FBXO31: variants seen among roughly 807,000 people sequenced by gnomAD.
FBXO31 encodes the protein F-box protein 31, also known as F-box only protein 31.
A neutral mutation model predicts 54.4 loss-of-function variants in FBXO31; 24 were observed. That is an observed-to-expected ratio of 0.44 (90% CI 0.32 to 0.62). The LOEUF is 0.62. Among genes scored for constraint, FBXO31 ranks in the 20% least tolerant of loss-of-function variants. The pLI is 0.05. For synonymous variants in FBXO31, 388 were observed against 335.6 expected (o/e 1.16, Z -1.71); for missense variants, 665 against 787.1 (o/e 0.84, Z 1.86).
At chr16:87,376,738 A>G (rs991847078) in intron 1 of FBXO31, among the ~76,000 whole-genome samples, 2 of 152,212 alleles carry the variant, frequency 1.3e-5, no homozygotes, top group Non-Finnish European at 2.9e-5. Flanking sequence ...CCAGGACGCC[A>G]GGTGGGCAAG....
At chr16:87,371,003 C>A (rs540826610) in intron 1 of FBXO31, among the ~76,000 whole-genome samples, 346 of 152,272 alleles carry the variant, frequency 2.3e-3, no homozygotes, top group African/African-American at 7.8e-3. Flanking sequence ...CGGCCCGGCA[C>A]TCCCCAACAC....
In FBXO31 at chr16:87,334,134, T is replaced by A; in HGVS notation, c.1149A>T (p.Glu383Asp). Residue 383 changes from glutamate (E) to aspartate (D), a missense_variant, in exon 8 of 9, where the codon GAA (glutamate) becomes GAT (aspartate). Glu to Asp is a conservative substitution (Grantham distance 45). Around this residue, in one of 4 missense-constraint regions of FBXO31, gnomAD observed 165 missense variants for 159.7 expected, o/e 1.03. Transcript: ENST00000311635. The part of the protein sequence containing the change: ...VRERVRQEQQ[E>D]GGHEAGEGRG... ...GACCCTCGCCCGCCTCGTGCCCGCCTTCCTGCTGCTCCTGGCGCACCCTCT... is the reference window on the plus strand; with the variant it reads ...GACCCTCGCCCGCCTCGTGCCCGCCATCCTGCTGCTCCTGGCGCACCCTCT... 1 of 1,611,890 alleles carries A rather than the reference T, an allele frequency of 6.2e-7. No individual in the cohort carries two copies. The highest frequency in any genetic ancestry group is 1.3e-5 in the African/African-American group (1 of 75,030).
In FBXO31 at chr16:87,346,302, T is replaced by C. The variant is rs944516979; in HGVS notation, c.489+872A>G. ...AGACCAGGCCACGGCACCCAGCAAG[T>C]GCCCAGGCGCACAGTGAGGGGTGGG... On this transcript the variant is annotated intron_variant, in intron 3 of 8. Transcript: ENST00000311635. This position sits in a 1 kb window ranked among gnomAD's most constrained non-coding sequence, Gnocchi z 4.2. 6.6e-6 allele frequency among the ~76,000 whole-genome samples: 1 copy of C among 151,274 alleles called. No individual in the cohort carries two copies. The highest frequency in any genetic ancestry group is 1.5e-5 in the Non-Finnish European group (1 of 67,828).
intron 3 of FBXO31, among the ~76,000 whole-genome samples, chr16:87,343,987 C>G (rs536322100): frequency 6.6e-6 from 1 of 152,218 alleles, no homozygotes; most frequent in Admixed American, 6.5e-5. Flanking sequence ...GAAAGTGACA[C>G]GGGGTGAGGT....
At chr16:87,361,375 G>C (rs1239331324) in intron 1 of FBXO31, among the ~76,000 whole-genome samples, 1 of 152,246 alleles carries the variant, frequency 6.6e-6, no homozygotes, top group Non-Finnish European at 1.5e-5. Flanking sequence ...TTCGCAGTGA[G>C]AATGTGGCAG....
intron 1 of FBXO31, among the ~76,000 whole-genome samples, chr16:87,374,799 T>C (rs898669466): frequency 1.3e-5 from 2 of 152,238 alleles, no homozygotes; most frequent in Non-Finnish European, 2.9e-5. Context: ...ATGTAATCTT[T>C]TGTTATTATT....
At chr16:87,348,535 G>A (rs1330322398) in intron 2 of FBXO31, among the ~76,000 whole-genome samples, 1 of 152,142 alleles carries the variant, frequency 6.6e-6, no homozygotes, top group Non-Finnish European at 1.5e-5. Flanking sequence ...AGGAAGAAGG[G>A]GTGACCGGGT....
chr16:87,376,879 A>G (rs1393023389), intron 1 of FBXO31, among the ~76,000 whole-genome samples: 18 of 152,236 alleles, frequency 1.2e-4, no homozygotes, highest in Admixed American at 1.2e-3. Context: ...AGGAAAGATG[A>G]AGTTTCAGGG....
chr16:87,337,460 A>G (rs1296042743), intron 5 of FBXO31, among the ~76,000 whole-genome samples: 2 of 152,206 alleles, frequency 1.3e-5, no homozygotes, highest in Non-Finnish European at 2.9e-5. Context: ...CGGAAAAGCA[A>G]AGAACTGGGA....
At chr16:87,348,220 T>A (rs1239740380) in intron 2 of FBXO31, among the ~76,000 whole-genome samples, 1 of 151,920 alleles carries the variant, frequency 6.6e-6, no homozygotes, top group Non-Finnish European at 1.5e-5. Flanking sequence ...CCTTCCTGCC[T>A]CTCCACCCTA....
At chr16:87,374,060 T>C (rs1456193950) in intron 1 of FBXO31, among the ~76,000 whole-genome samples, 4 of 152,016 alleles carry the variant, frequency 2.6e-5, no homozygotes, top group Admixed American at 2.6e-4. Flanking sequence ...GGCAACACTG[T>C]GAGAACCCAT....
chr16:87,386,497 A>G (rs1418186136), upstream of FBXO31, among the ~76,000 whole-genome samples: 3 of 152,220 alleles, frequency 2.0e-5, no homozygotes, highest in Non-Finnish European at 4.4e-5. Flanking sequence ...CAGTGGCACA[A>G]TCTCAGCTCA....
chr16:87,382,766 G>T (rs913661607), intron 1 of FBXO31, among the ~76,000 whole-genome samples: 1 of 152,168 alleles, frequency 6.6e-6, no homozygotes, highest in Non-Finnish European at 1.5e-5. Context: ...CCGAGTAGCT[G>T]GGATTACAGG....
Position 87,383,714 on chromosome 16 carries a change from C to G in FBXO31, c.31G>C (p.Gly11Arg). 7.9e-7 allele frequency: 1 copy of G among 1,258,750 alleles called. No individual in the cohort carries two copies. The highest frequency in any genetic ancestry group is 9.9e-7 in the Non-Finnish European group (1 of 1,008,326). The allele number at this position is 1,258,750 out of a possible 1,614,324, so 78.0% of individuals were successfully genotyped here. A position where few individuals can be genotyped will look rare whatever the true frequency, so the allele number is the denominator to read the frequency against. The change falls in exon 1 of 9, where the codon GGC becomes CGC. Residue 11 changes from glycine to arginine, a missense_variant. By Grantham distance (125) the Gly-to-Arg change is moderately radical (BLOSUM62 -2). Coordinates refer to ENST00000311635, the MANE Select transcript of FBXO31 (RefSeq NM_024735.5). The surrounding 1 kb of genome is among the most constrained non-coding windows in gnomAD (Gnocchi z 4.9). ...CGGCGCCGACATCCGCGCGACGGGC[C>G]CACGCCGCAAAGGCGAGCACACACC... MAVCARLCGV[G>R]PSRGCRRRQQ...
chr16:87,343,838 C>T (rs549227763), intron 3 of FBXO31, 73 bp from the exon 4 acceptor site: 101 of 1,542,176 alleles, frequency 6.5e-5, no homozygotes, highest in Admixed American at 1.9e-4. Flanking sequence ...CACGGCTCCC[C>T]GCACTGCAAT....
At chr16:87,343,047 C>G (rs542764351) in intron 4 of FBXO31, 96 bp from the exon 5 acceptor site, 11 of 1,022,852 alleles carry the variant, frequency 1.1e-5, no homozygotes, top group Admixed American at 6.3e-5. Context: ...CCCTCCCTCA[C>G]CACACCCACC....
chr16:87,364,581 C>T (rs1050711657), intron 1 of FBXO31, among the ~76,000 whole-genome samples: 2 of 152,136 alleles, frequency 1.3e-5, no homozygotes, highest in African/African-American at 4.8e-5. Context: ...GCGGGGGCAT[C>T]CAACTGCCCA....
In FBXO31 at chr16:87,334,029, C is replaced by A. The variant is rs1444825337; in HGVS notation, c.1254G>T (p.Gly418=). The A allele has an allele frequency of 6.2e-7, 1 of 1,612,722 alleles. No individual in the cohort carries two copies. Among genetic ancestry groups the A allele is most frequent in the Admixed American group, 1.7e-5 (1 of 59,992 alleles). The change falls in exon 8 of 9, where the codon GGG becomes GGT. Residue 418 remains glycine, a synonymous_variant. Transcript: ENST00000311635. ...GCTCGCCACCATCCTCACCAGGTGT[C>A]CCATCTGGGCCCTTGCTGGGCGCCT... is the stretch of plus-strand genomic sequence containing the variant. ...RAEAPSKGPD[G]TPGEDGGEPG...
intron 2 of FBXO31, among the ~76,000 whole-genome samples, chr16:87,359,135 T>A (rs1253172239): frequency 6.6e-6 from 1 of 152,230 alleles, no homozygotes; most frequent in Non-Finnish European, 1.5e-5. Context: ...CACTGCAGAC[T>A]AACACTGCGG....
Sources: gnomAD v4.1 joint callset for allele counts (sites outside exome capture counted in the v4.1 genomes callset) on GRCh38, gnomAD v4.1.1 for gene constraint, gnomAD v4.1.1 regional missense constraint, Gnocchi (gnomAD v3.1) non-coding constraint, MANE v1.5 for transcripts, NCBI Gene and HGNC (gene_info 2026-07-23, HGNC 2026-07-21) for gene names.